Variants in SND1 observed in about 807,000 individuals in gnomAD.
SND1 encodes the protein staphylococcal nuclease and tudor domain containing 1, also known as staphylococcal nuclease domain-containing protein 1.
Under a neutral mutation model 121.7 loss-of-function variants are expected in SND1, and 38 were observed. The observed-to-expected ratio is 0.31, with a 90% confidence interval of 0.24 to 0.41. The LOEUF is 0.41. Ranked by LOEUF, SND1 falls within the 10% of genes least tolerant of loss-of-function variation. SND1 has a pLI of 1.00. For synonymous variants in SND1, 401 were observed against 447.4 expected (o/e 0.90, Z 1.31); for missense variants, 868 against 1,184.6 (o/e 0.73, Z 3.92).
chr7:128,031,448 G>A (rs969224746), intron 16 of SND1: 5 of 151,812 alleles, frequency 3.3e-5, no homozygotes, highest in Non-Finnish European at 5.9e-5. Context: ...GTGAGCTCGC[G>A]GAGCGGCGAG....
intron 16 of SND1, among the ~76,000 whole-genome samples, chr7:128,008,723 C>T (rs1803044201): frequency 6.6e-6 from 1 of 152,194 alleles, no homozygotes; most frequent in Non-Finnish European, 1.5e-5. Context: ...GCCATGCTGT[C>T]AGGGTCTGGG....
At chr7:128,034,833 T>C (rs1375004242) in intron 16 of SND1, among the ~76,000 whole-genome samples, 2 of 152,238 alleles carry the variant, frequency 1.3e-5, no homozygotes, top group African/African-American at 4.8e-5. Context: ...ACAGCCCTTC[T>C]GAGCTGAAAG....
At chr7:127,687,021 C>G (rs1248072491) in intron 2 of SND1, 4 of 358,058 alleles carry the variant, frequency 1.1e-5, no homozygotes, top group Non-Finnish European at 2.0e-5. Context: ...TTCACTACTA[C>G]TTTTCTTGGA....
At chr7:127,758,923 G>A (rs986529008) in intron 10 of SND1, among the ~76,000 whole-genome samples, 5 of 152,150 alleles carry the variant, frequency 3.3e-5, no homozygotes, top group Non-Finnish European at 5.9e-5. Flanking sequence ...GCATGGTGGT[G>A]CATGCCTGTG....
At position 128,003,881 on chromosome 7, in the gene SND1, G is replaced by A. The variant is rs566952233; in HGVS notation, c.1779+12825G>A. Among the ~76,000 whole-genome samples, 7 of 152,282 alleles carry A rather than the reference G, an allele frequency of 4.6e-5. No homozygotes were observed. The East Asian group carries it at 5.8e-4, about 13-fold the overall frequency. On this transcript the variant is annotated intron_variant, in intron 16 of 23. Coordinates refer to ENST00000354725, the MANE Select transcript of SND1 (RefSeq NM_014390.4). ...ACCTCTGGAGTGAGGGGCTGGTCTC[G>A]TGGCCTGCCTGGCAGAGAGGGCTAG...
intron 4 of SND1, among the ~76,000 whole-genome samples, chr7:127,699,273 C>G (rs1041685247): frequency 1.3e-5 from 2 of 152,180 alleles, no homozygotes; most frequent in Non-Finnish European, 2.9e-5. Context: ...ATTTATTGAG[C>G]ACTTACTATG....
chr7:127,858,255 C>A, intron 12 of SND1: 2 of 770,852 alleles, frequency 2.6e-6, no homozygotes, highest in South Asian at 1.5e-5. Flanking sequence ...ACCATCTGGT[C>A]GGCCAATTCG....
At chr7:128,046,758 C>T (rs1792955990) in intron 16 of SND1, among the ~76,000 whole-genome samples, 1 of 152,138 alleles carries the variant, frequency 6.6e-6, no homozygotes, top group Admixed American at 6.5e-5. Context: ...CAGCACCTAG[C>T]GTGTGTCTTT....
At chr7:127,921,095 T>G (rs924203588) in intron 14 of SND1, among the ~76,000 whole-genome samples, 1 of 152,206 alleles carries the variant, frequency 6.6e-6, no homozygotes, top group African/African-American at 2.4e-5. Flanking sequence ...GGGTATTACT[T>G]TATTCACATT....
chr7:128,013,670 G>C (rs956540811), intron 16 of SND1, among the ~76,000 whole-genome samples: 1 of 152,192 alleles, frequency 6.6e-6, no homozygotes, highest in South Asian at 2.1e-4. Context: ...TTCGCATAAG[G>C]AGCACACAAC....
At chr7:127,806,277 C>G (rs570439851) in intron 10 of SND1, among the ~76,000 whole-genome samples, 1 of 152,104 alleles carries the variant, frequency 6.6e-6, no homozygotes, top group Non-Finnish European at 1.5e-5. Context: ...TGTCAGTTCC[C>G]GTTAATTCAT....
At chr7:127,938,560 T>C (rs1801115213) in intron 15 of SND1, among the ~76,000 whole-genome samples, 1 of 152,250 alleles carries the variant, frequency 6.6e-6, no homozygotes. Context: ...TACATTTTCT[T>C]TGGGCAGACT....
intron 10 of SND1, among the ~76,000 whole-genome samples, chr7:127,773,535 AT>A (rs1263692223): frequency 6.6e-6 from 1 of 152,098 alleles, no homozygotes; most frequent in African/African-American, 2.4e-5. Flanking sequence ...ATATTTTGAA[AT>A]TAGGAAAAAA....
In SND1 at chr7:127,904,742, A is replaced by G; in HGVS notation, c.1455-5A>G. ...TTAATCGGTTTTTCTCTTCTTCCTT[A>G]ACAGAGCTATTAAGAATGGCAAAGG... On this transcript the variant is annotated splice_region_variant and splice_polypyrimidine_tract_variant and intron_variant, in intron 13 of 23. Coordinates refer to ENST00000354725, the MANE Select transcript of SND1 (RefSeq NM_014390.4). The G allele has an allele frequency of 6.3e-7, 1 of 1,599,490 alleles. No homozygotes were observed. Among genetic ancestry groups the G allele is most frequent in the Non-Finnish European group, 8.6e-7 (1 of 1,166,938 alleles).
chr7:128,034,202 GGAGA>G (rs773529923), intron 16 of SND1, among the ~76,000 whole-genome samples: 4 of 152,290 alleles, frequency 2.6e-5, no homozygotes, highest in East Asian at 1.9e-4. Flanking sequence ...GGAGGGGGGA[GGAGA>G]GAGAGACTGT....
chr7:127,954,106 G>A (rs1445097792), intron 15 of SND1, among the ~76,000 whole-genome samples: 1 of 152,192 alleles, frequency 6.6e-6, no homozygotes, highest in African/African-American at 2.4e-5. Flanking sequence ...TGGATAGGGT[G>A]GCTATGTGAG....
intron 10 of SND1, among the ~76,000 whole-genome samples, chr7:127,746,416 A>G (rs1796984190): frequency 6.6e-6 from 1 of 152,170 alleles, no homozygotes; most frequent in African/African-American, 2.4e-5. Flanking sequence ...ATTCATTTCC[A>G]TAACAACTGT....
chr7:127,667,843 A>G (rs1795446989), intron 1 of SND1, among the ~76,000 whole-genome samples: 1 of 148,950 alleles, frequency 6.7e-6, no homozygotes, highest in South Asian at 2.1e-4. Context: ...CAGTGCTTAG[A>G]ATAGGTCTTT....
rs183861501 is a variant in SND1 at position 127,736,958 on chromosome 7, C to T, written c.1152+15558C>T. ...TGTTTTGGCCGATAAGCTGCTCTGT[C>T]GGGTACTTCTACAGTGCACTTGTGA... On this transcript the variant is annotated intron_variant, in intron 10 of 23. Coordinates refer to ENST00000354725, the MANE Select transcript of SND1 (RefSeq NM_014390.4). 7.2e-5 allele frequency among the ~76,000 whole-genome samples: 11 copies of T among 152,226 alleles called. No homozygotes were observed. The East Asian group carries it at 1.5e-3, about 21-fold the overall frequency.
Sources: allele counts gnomAD v4.1 joint callset (sites outside exome capture counted in the v4.1 genomes callset), GRCh38; gene constraint gnomAD v4.1.1; transcripts MANE v1.5; gene names NCBI Gene and HGNC (gene_info 2026-07-23, HGNC 2026-07-21).